AHI1: variants seen among roughly 807,000 people sequenced by gnomAD.
AHI1 encodes the protein Abelson helper integration site 1.
Under a neutral mutation model 149.3 loss-of-function variants are expected in AHI1, and 123 were observed. That is an observed-to-expected ratio of 0.82 (90% CI 0.71 to 0.96). The LOEUF is 0.96. Among genes scored for constraint, AHI1 ranks in the 40% least tolerant of loss-of-function variants. The pLI is 0.00. For synonymous variants in AHI1, 475 were observed against 459.8 expected, an observed-to-expected ratio of 1.03 and a Z score of -0.42; for missense variants, 1,439 against 1,422.7, an observed-to-expected ratio of 1.01 and a Z score of -0.18.
intron 24 of AHI1, among the ~76,000 whole-genome samples, chr6:135,335,730 C>T (rs1468663720): frequency 2.6e-5 from 4 of 152,062 alleles, no homozygotes; most frequent in South Asian, 2.1e-4. Context: ...TAGTAATAGA[C>T]ACAGACAATA....
intron 20 of AHI1, among the ~76,000 whole-genome samples, chr6:135,414,212 C>A (rs577259212): frequency 2.8e-4 from 43 of 152,104 alleles, no homozygotes; most frequent in African/African-American, 9.6e-4. Context: ...ACAGTTTTTT[C>A]CAACAAATGG....
chr6:135,308,888 C>A (rs1784826680), intron 26 of AHI1, among the ~76,000 whole-genome samples: 1 of 152,188 alleles, frequency 6.6e-6, no homozygotes, highest in Non-Finnish European at 1.5e-5. Context: ...CTAGGTCCTG[C>A]CTTCAGGCTG....
Position 135,481,163 on chromosome 6 carries a change from T to A in AHI1, c.135+9460A>T, listed in dbSNP as rs573156422. Reference sequence around the variant, plus strand: ...TCTGCACTGCCTTGGGACTGTAGAGTCCTCACCAGCAAAAAGGCTCTCATC... The same window carrying A: ...TCTGCACTGCCTTGGGACTGTAGAGACCTCACCAGCAAAAAGGCTCTCATC... On this transcript the variant is annotated intron_variant, in intron 5 of 28. Transcript: ENST00000265602. Among the ~76,000 whole-genome samples the A allele has an allele frequency of 1.6e-4, 24 of 152,164 alleles. No homozygotes were observed. The East Asian group carries it at 4.6e-3, about 29-fold the overall frequency.
chr6:135,375,778 A>G (rs977238607), intron 23 of AHI1, among the ~76,000 whole-genome samples: 3 of 152,236 alleles, frequency 2.0e-5, no homozygotes, highest in African/African-American at 7.2e-5. Flanking sequence ...TGATTCCCCA[A>G]TAGCAATGAG....
intron 20 of AHI1, among the ~76,000 whole-genome samples, chr6:135,414,431 C>G (rs1375955606): frequency 2.6e-5 from 4 of 152,148 alleles, no homozygotes; most frequent in Admixed American, 1.3e-4. Context: ...AAAGAACAAG[C>G]TGATAATTTG....
chr6:135,293,392 CAAAAAAAAAAAAAGA>C (rs1396326804), intron 27 of AHI1, among the ~76,000 whole-genome samples: 8 of 20,160 alleles, frequency 4.0e-4, no homozygotes, highest in South Asian at 1.7e-3. Context: ...GTTAACAGGG[CAAAAAAAAAAAAAGA>C]AAAAAAAAAA....
intron 23 of AHI1, among the ~76,000 whole-genome samples, chr6:135,388,600 A>G (rs759632085): frequency 6.6e-6 from 1 of 152,260 alleles, no homozygotes; most frequent in South Asian, 2.1e-4. Flanking sequence ...TAAAACTTCA[A>G]TATACCAAAA....
intron 23 of AHI1, among the ~76,000 whole-genome samples, chr6:135,389,107 G>A (rs1255632970): frequency 2.0e-5 from 3 of 151,616 alleles, no homozygotes; most frequent in East Asian, 3.9e-4. Flanking sequence ...TCAGGATATC[G>A]AGACCATCCT....
intron 8 of AHI1, among the ~76,000 whole-genome samples, chr6:135,460,779 A>C (rs1789747562): frequency 6.6e-6 from 1 of 152,206 alleles, no homozygotes; most frequent in African/African-American, 2.4e-5. Context: ...CATGTAACAC[A>C]GTCATGTTAT....
intron 14 of AHI1, among the ~76,000 whole-genome samples, chr6:135,438,927 C>G (rs1031416965): frequency 1.3e-5 from 2 of 151,962 alleles, no homozygotes; most frequent in Non-Finnish European, 2.9e-5. Flanking sequence ...GTGCTATTGT[C>G]AAAAGTAAAT....
intron 24 of AHI1, among the ~76,000 whole-genome samples, chr6:135,336,087 T>C (rs2128404010): frequency 7.3e-6 from 1 of 137,546 alleles, no homozygotes; most frequent in East Asian, 2.1e-4. Context: ...CACTGCACCC[T>C]GGATGACTAG....
intron 5 of AHI1, among the ~76,000 whole-genome samples, chr6:135,476,295 G>T (rs528819709): frequency 1.3e-5 from 2 of 151,856 alleles, no homozygotes; most frequent in Non-Finnish European, 2.9e-5. Context: ...TGATGCTGTT[G>T]TGGCCTAAGA....
intron 21 of AHI1, among the ~76,000 whole-genome samples, chr6:135,409,913 C>G (rs1781342889): frequency 6.6e-6 from 1 of 152,190 alleles, no homozygotes; most frequent in South Asian, 2.1e-4. Context: ...TCTTTAACAA[C>G]ACTGATCAAC....
At chr6:135,355,553 A>C (rs1460749327) in intron 24 of AHI1, among the ~76,000 whole-genome samples, 1 of 152,152 alleles carries the variant, frequency 6.6e-6, no homozygotes. Context: ...AGTTTGATTG[A>C]CCATAACCAT....
intron 3 of AHI1, chr6:135,492,698 G>T (rs1183363465): frequency 2.0e-6 from 2 of 985,250 alleles, no homozygotes; most frequent in East Asian, 2.3e-4. Flanking sequence ...AAGCATGCTT[G>T]TGGGTAGCAC....
chr6:135,358,125 G>A lies in AHI1; in HGVS notation c.3165+7C>T. The A allele has an allele frequency of 6.2e-7, 1 of 1,610,616 alleles. No homozygotes were observed. The highest frequency in any genetic ancestry group is 8.5e-7 in the Non-Finnish European group (1 of 1,177,516). On this transcript the variant is annotated splice_region_variant and intron_variant, in intron 24 of 28. Transcript: ENST00000265602. ...ACTTTTAACAACGTAGCAACAGACT[G>A]TCTTACCGTTGGTGCTGTATCTACC...
At chr6:135,345,058 A>G (rs1790988113) in intron 24 of AHI1, among the ~76,000 whole-genome samples, 1 of 152,166 alleles carries the variant, frequency 6.6e-6, no homozygotes, top group East Asian at 1.9e-4. Flanking sequence ...CATTTCTCCA[A>G]AGAAAACATA....
At chr6:135,365,524 C>T (rs1026531457) in intron 23 of AHI1, among the ~76,000 whole-genome samples, 20 of 152,140 alleles carry the variant, frequency 1.3e-4, no homozygotes, top group African/African-American at 4.8e-4. Flanking sequence ...AGATCTTTCA[C>T]CTCCTTGGTT....
intron 4 of AHI1, 67 bp downstream of exon 4, chr6:135,492,156 TTAAAA>T (rs1795339563): frequency 8.0e-7 from 1 of 1,253,834 alleles, no homozygotes; most frequent in South Asian, 1.5e-5. Context: ...CAAGAATCCC[TTAAAA>T]TAAACCAAAC....
Sources: allele counts gnomAD v4.1 joint callset (sites outside exome capture counted in the v4.1 genomes callset), GRCh38; gene constraint gnomAD v4.1.1; transcripts MANE v1.5; gene names NCBI Gene and HGNC (gene_info 2026-07-23, HGNC 2026-07-21).